The following ABCA13 variants were observed in gnomAD, a reference collection of about 807,000 sequenced individuals.
ABCA13 encodes the protein ATP binding cassette subfamily A member 13, also known as ATP-binding cassette sub-family A member 13.
In ABCA13, 476 loss-of-function variants were observed where a neutral mutation model predicts 478.7. The observed-to-expected ratio is 0.99, with a 90% CI of 0.92 to 1.07. The LOEUF (loss-of-function observed/expected upper bound fraction) is 1.07, where lower values mean the gene tolerates loss of function less well. ABCA13 is among the 50% of genes least tolerant of loss of function. The pLI is 0.00. For synonymous variants in ABCA13, 2,252 were observed against 2,158.9 expected (o/e 1.04, Z -1.20); for missense variants, 6,060 against 5,910.6 (o/e 1.03, Z -0.83).
intron 41 of ABCA13, among the ~76,000 whole-genome samples, chr7:48,422,818 A>G (rs1461242419): frequency 6.6e-6 from 1 of 152,236 alleles, no homozygotes; most frequent in Non-Finnish European, 1.5e-5. Flanking sequence ...GGATACATCA[A>G]AGGGGGATCG....
chr7:48,337,716 TGTAA>T (rs1465559540), intron 28 of ABCA13, among the ~76,000 whole-genome samples: 1 of 152,212 alleles, frequency 6.6e-6, no homozygotes, highest in East Asian at 1.9e-4. Flanking sequence ...TGTTGTATGT[TGTAA>T]GTGTCAGGCA....
chr7:48,393,791 A>T (rs1168007676), intron 38 of ABCA13, among the ~76,000 whole-genome samples: 1 of 152,174 alleles, frequency 6.6e-6, no homozygotes. Context: ...AAACGTTTGC[A>T]ATGAGAATGC....
At chr7:48,441,350 C>A (rs1168999338) in intron 42 of ABCA13, among the ~76,000 whole-genome samples, 1 of 152,122 alleles carries the variant, frequency 6.6e-6, no homozygotes, top group African/African-American at 2.4e-5. Context: ...TATTGGTGCC[C>A]TCAAAGATTA....
chr7:48,334,249 G>A (rs1034582095), intron 27 of ABCA13, among the ~76,000 whole-genome samples: 6 of 151,820 alleles, frequency 4.0e-5, no homozygotes, highest in African/African-American at 9.7e-5. Context: ...TATAGCTGGC[G>A]TTTACTGAGT....
intron 48 of ABCA13, among the ~76,000 whole-genome samples, chr7:48,500,301 G>A (rs552485644): frequency 2.2e-4 from 33 of 152,302 alleles, no homozygotes; most frequent in African/African-American, 7.5e-4. Flanking sequence ...AGGGTAGTGT[G>A]AGGGTGAGCC....
intron 43 of ABCA13, among the ~76,000 whole-genome samples, chr7:48,463,353 T>C (rs1009804264): frequency 2.0e-4 from 30 of 152,184 alleles, no homozygotes; most frequent in Admixed American, 1.9e-3. Flanking sequence ...ACTTTCTGTT[T>C]TTTTCAGGGA....
At chr7:48,489,134 G>T in intron 47 of ABCA13, 102 bp from the exon 48 acceptor site, 1 of 928,878 alleles carries the variant, frequency 1.1e-6, no homozygotes. Context: ...CAGGTGCCTT[G>T]GAAGTTAATT....
At chr7:48,477,699 A>C (rs1397652283) in intron 45 of ABCA13, among the ~76,000 whole-genome samples, 1 of 133,002 alleles carries the variant, frequency 7.5e-6, no homozygotes, top group African/African-American at 2.9e-5. Context: ...ATGAGAACAC[A>C]TGGACACAGG....
intron 55 of ABCA13, 28 bp from the exon 56 acceptor site, chr7:48,580,196 T>C: frequency 6.3e-7 from 1 of 1,581,792 alleles, no homozygotes; most frequent in Non-Finnish European, 8.6e-7. Context: ...AAACTGCTGT[T>C]CTCAGCCTGT....
At chr7:48,330,869 A>G (rs1370635895) in intron 27 of ABCA13, among the ~76,000 whole-genome samples, 2 of 152,184 alleles carry the variant, frequency 1.3e-5, no homozygotes, top group Non-Finnish European at 2.9e-5. Flanking sequence ...TCTTATTAGT[A>G]TGAAGTGCAT....
intron 55 of ABCA13, among the ~76,000 whole-genome samples, chr7:48,562,141 T>G (rs1250252272): frequency 6.6e-6 from 1 of 151,950 alleles, no homozygotes; most frequent in Non-Finnish European, 1.5e-5. Context: ...CCTGCCTTTT[T>G]TTTCTTCATA....
intron 23 of ABCA13, among the ~76,000 whole-genome samples, chr7:48,307,349 A>C (rs1462743123): frequency 2.0e-5 from 3 of 152,172 alleles, no homozygotes; most frequent in Admixed American, 2.0e-4. Flanking sequence ...CATCGTGGTA[A>C]GTATTTCTAT....
intron 27 of ABCA13, among the ~76,000 whole-genome samples, chr7:48,326,609 T>C (rs970102906): frequency 6.6e-6 from 1 of 152,182 alleles, no homozygotes; most frequent in Non-Finnish European, 1.5e-5. Context: ...GTAAAGAAAG[T>C]GAGTCTTAGG....
chr7:48,249,203 T>G lies in ABCA13; in HGVS notation c.1866-9T>G. 6.3e-7 allele frequency: 1 copy of G among 1,592,648 alleles called. No individual in the cohort carries two copies. The highest frequency in any genetic ancestry group is 1.4e-5 in the African/African-American group (1 of 74,002). Reference sequence around the variant, plus strand: ...ATTTTAATTTTCTCTGGATTCTTTTTGATTGCAGGATATTTCATACACTTG... The same window carrying G: ...ATTTTAATTTTCTCTGGATTCTTTTGGATTGCAGGATATTTCATACACTTG... On this transcript the variant is annotated splice_polypyrimidine_tract_variant and intron_variant, in intron 14 of 61. Transcript: ENST00000435803.
intron 47 of ABCA13, among the ~76,000 whole-genome samples, chr7:48,487,653 C>G (rs969902129): frequency 3.9e-5 from 6 of 152,156 alleles, no homozygotes; most frequent in African/African-American, 1.4e-4. Flanking sequence ...AAGGAGGTCA[C>G]AGACCAGGCT....
At chr7:48,591,557 G>A (rs769606200) in intron 57 of ABCA13, among the ~76,000 whole-genome samples, 14 of 151,842 alleles carry the variant, frequency 9.2e-5, no homozygotes, top group Non-Finnish European at 1.6e-4. Context: ...TCTGTAGATC[G>A]CTTTGGGTAA....
chr7:48,559,789 G>A (rs4917022), intron 55 of ABCA13, among the ~76,000 whole-genome samples: 70,044 of 151,920 alleles, frequency 0.46, 18,981 homozygotes, highest in African/African-American at 0.76. Context: ...TCAAGGCAGC[G>A]GGTTCCCTTC....
intron 1 of ABCA13, among the ~76,000 whole-genome samples, chr7:48,189,268 A>T (rs1356246464): frequency 6.6e-6 from 1 of 152,210 alleles, no homozygotes; most frequent in Non-Finnish European, 1.5e-5. Flanking sequence ...TTCGAGGATA[A>T]TAATGACATA....
chr7:48,418,588 C>T (rs1027233732), intron 41 of ABCA13, among the ~76,000 whole-genome samples: 6 of 152,136 alleles, frequency 3.9e-5, no homozygotes, highest in Non-Finnish European at 7.4e-5. Context: ...CTTCATTTTT[C>T]TCATCCCTAC....
Sources: allele counts gnomAD v4.1 joint callset (sites outside exome capture counted in the v4.1 genomes callset), GRCh38; gene constraint gnomAD v4.1.1; transcripts MANE v1.5; gene names NCBI Gene and HGNC (gene_info 2026-07-23, HGNC 2026-07-21).